Variants in ADARB1 observed in about 807,000 individuals in gnomAD.
ADARB1 encodes double-stranded RNA-specific editase 1.
Under a neutral mutation model 52.4 loss-of-function variants are expected in ADARB1, and 10 were observed. That is an observed-to-expected ratio of 0.19 (90% CI 0.12 to 0.32). ADARB1 has a LOEUF of 0.32. ADARB1 is among the 10% of genes least tolerant of loss of function. ADARB1 has a pLI of 1.00. For missense variants in ADARB1, 643 were observed against 922.3 expected, an observed-to-expected ratio of 0.70 and a Z score of 3.92; for synonymous variants, 349 against 371.1, an observed-to-expected ratio of 0.94 and a Z score of 0.68.
chr21:45,084,290 G>A (rs898811503), intron 1 of ADARB1, among the ~76,000 whole-genome samples: 1 of 152,258 alleles, frequency 6.6e-6, no homozygotes, highest in African/African-American at 2.4e-5. Flanking sequence ...TCTAATGGTA[G>A]GTGGTGCTAC....
In ADARB1 at chr21:45,180,488, C is replaced by G. The variant is rs752462567; in HGVS notation, c.1078+44C>G. On this transcript the variant is annotated intron_variant, in intron 5 of 10. Coordinates refer to ENST00000348831, the MANE Select transcript of ADARB1 (RefSeq NM_001112.4). ...TATGTAACCCTGCCTGTTTTCATGT[C>G]TGACAAATGTGAAATGTTCTCAATC... is the stretch of plus-strand genomic sequence containing the variant. The G allele has an allele frequency of 2.7e-6, 4 of 1,482,380 alleles. No homozygotes were observed. In the East Asian group the frequency reaches 9.2e-5, roughly 34 times the overall value. 91.8% of individuals were successfully genotyped at this position (1,482,380 alleles called of 1,614,324 possible).
rs914342375 is a variant in ADARB1, at chr21:45,204,896, G to A, written c.1747+160G>A. Among the ~76,000 whole-genome samples the A allele has an allele frequency of 1.3e-5, 2 of 152,062 alleles. No homozygotes were observed. The highest frequency in any genetic ancestry group is 2.4e-5 in the African/African-American group (1 of 41,360). The stretch of plus-strand genomic sequence containing the variant: ...CAAGGTGATGTTTCTGAGGCTCTCC[G>A]GGCCTTGTCTCTAGGGCCTTTTAAG... On this transcript the variant is annotated intron_variant, in intron 9 of 10. Transcript: ENST00000348831. This position sits in a 1 kb window ranked among gnomAD's most constrained non-coding sequence, Gnocchi z 4.4.
chr21:45,182,792 T>TA lies in ADARB1; in HGVS notation c.1247+45dup, dbSNP rs1179140241. 2.7e-6 allele frequency: 4 copies of TA among 1,500,404 alleles called. No individual in the cohort carries two copies. The South Asian group carries it at 3.9e-5, about 14-fold the overall frequency. 92.9% of individuals were successfully genotyped at this position (1,500,404 alleles called of 1,614,324 possible). Reference sequence around the variant, plus strand: ...ACAAATAAGGACAGGAAGCTCTTTTTAAAAAATATTCCTCTATTAGAAAAC... The same window carrying TA: ...ACAAATAAGGACAGGAAGCTCTTTTTAAAAAAATATTCCTCTATTAGAAAAC... On this transcript the variant is annotated intron_variant, in intron 6 of 10. Transcript: ENST00000348831.
At chr21:45,180,836 G>A (rs2091905030) in intron 5 of ADARB1, among the ~76,000 whole-genome samples, 1 of 152,222 alleles carries the variant, frequency 6.6e-6, no homozygotes, top group Admixed American at 6.5e-5. Flanking sequence ...TTCCTTTGAG[G>A]AGGGAGAGAG....
At chr21:45,153,228 T>A (rs1383899663) in intron 2 of ADARB1, among the ~76,000 whole-genome samples, 3 of 152,140 alleles carry the variant, frequency 2.0e-5, no homozygotes, top group African/African-American at 7.2e-5. Flanking sequence ...ATGTTTTAAG[T>A]CATTAAAATC....
At chr21:45,140,765 T>C (rs2089679156) in intron 2 of ADARB1, among the ~76,000 whole-genome samples, 1 of 152,230 alleles carries the variant, frequency 6.6e-6, no homozygotes, top group Non-Finnish European at 1.5e-5. Flanking sequence ...TTATAGCTGG[T>C]TTAATTCAGT....
chr21:45,125,821 A>G (rs1360469812), intron 1 of ADARB1, among the ~76,000 whole-genome samples: 1 of 152,222 alleles, frequency 6.6e-6, no homozygotes, highest in African/African-American at 2.4e-5. Context: ...CGTTATATGT[A>G]ATTAATACAG....
Position 45,224,911 on chromosome 21 carries a change from A to C in ADARB1, c.*2714A>C. ...CTGAGCGCTCGGTGTGCACTTTTAG[A>C]CTATAGCTGTTTCATTGACGTGTCA... On this transcript the variant is annotated 3_prime_UTR_variant, in exon 11 of 11. Coordinates refer to ENST00000348831, the MANE Select transcript of ADARB1 (RefSeq NM_001112.4). 1.0e-6 allele frequency: 1 copy of C among 985,380 alleles called. No homozygotes were observed. Among genetic ancestry groups the C allele is most frequent in the Non-Finnish European group, 1.2e-6 (1 of 829,880 alleles). 61.0% of individuals were successfully genotyped at this position (985,380 alleles called of 1,614,324 possible).
chr21:45,170,284 T>G (rs1321017401), intron 2 of ADARB1, among the ~76,000 whole-genome samples: 1 of 152,246 alleles, frequency 6.6e-6, no homozygotes, highest in Non-Finnish European at 1.5e-5. Flanking sequence ...CTAAAATAAT[T>G]TATCATAATT....
Position 45,183,355 on chromosome 21 carries a change from C to T in ADARB1, c.1248-7C>T, listed in dbSNP as rs536652455. 1.9e-6 allele frequency: 3 copies of T among 1,590,064 alleles called. No homozygotes were observed. Among genetic ancestry groups the T allele is most frequent in the Non-Finnish European group, 1.7e-6 (2 of 1,172,836 alleles). On this transcript the variant is annotated splice_region_variant and splice_polypyrimidine_tract_variant and intron_variant, in intron 6 of 10. Transcript: ENST00000348831. ...AAATGTTACTTTTGCAACTTTTTTC[C>T]TTTCAGTAACAAAGATGATCAAAAA...
chr21:45,153,532 G>A (rs1259666107), intron 2 of ADARB1, among the ~76,000 whole-genome samples: 2 of 152,078 alleles, frequency 1.3e-5, no homozygotes, highest in Non-Finnish European at 2.9e-5. Context: ...AGGGCCCTTG[G>A]GACATGCTGT....
intron 1 of ADARB1, among the ~76,000 whole-genome samples, chr21:45,097,891 C>T (rs1351661765): frequency 6.6e-6 from 1 of 152,184 alleles, no homozygotes. Flanking sequence ...TAGGCAGCCT[C>T]GCCCTGCTCC....
At chr21:45,182,095 G>A (rs2091950727) in intron 5 of ADARB1, among the ~76,000 whole-genome samples, 1 of 152,210 alleles carries the variant, frequency 6.6e-6, no homozygotes, top group Non-Finnish European at 1.5e-5. Context: ...GTGGTTAATG[G>A]TGACAGTTTA....
intron 2 of ADARB1, among the ~76,000 whole-genome samples, chr21:45,151,116 G>C (rs2090262326): frequency 6.6e-6 from 1 of 152,224 alleles, no homozygotes; most frequent in Non-Finnish European, 1.5e-5. Flanking sequence ...CTGAGTGAAA[G>C]ATGCCTCTAG....
chr21:45,167,970 C>G (rs1263037563), intron 2 of ADARB1, among the ~76,000 whole-genome samples: 1 of 151,864 alleles, frequency 6.6e-6, no homozygotes, highest in Non-Finnish European at 1.5e-5. Flanking sequence ...TGAGAGATCC[C>G]TTTTCTCCAC....
intron 9 of ADARB1, among the ~76,000 whole-genome samples, chr21:45,213,378 G>A (rs1194098674): frequency 1.3e-5 from 2 of 151,934 alleles, no homozygotes; most frequent in East Asian, 1.9e-4. Flanking sequence ...TATCTTTAGT[G>A]TCTTTTCACA....
chr21:45,222,458 G>T lies in ADARB1; in HGVS notation c.*261G>T, dbSNP rs1054493688. 1 of 1,235,324 alleles carries T rather than the reference G, an allele frequency of 8.1e-7. No homozygotes were observed. The highest frequency in any genetic ancestry group is 1.6e-5 in the African/African-American group (1 of 64,340). The allele number at this position is 1,235,324 out of a possible 1,614,324, so 76.5% of individuals were successfully genotyped here. On this transcript the variant is annotated 3_prime_UTR_variant, in exon 11 of 11. Coordinates refer to ENST00000348831, the MANE Select transcript of ADARB1 (RefSeq NM_001112.4). Reference sequence around the variant, plus strand: ...GCCGCAGCATTTCCCCTTCTGAACCGTCCAGTGACTGCTTTCAATCTCGGT... The same window carrying T: ...GCCGCAGCATTTCCCCTTCTGAACCTTCCAGTGACTGCTTTCAATCTCGGT...
intron 1 of ADARB1, among the ~76,000 whole-genome samples, chr21:45,118,308 C>G (rs1380924386): frequency 1.3e-5 from 2 of 152,130 alleles, no homozygotes; most frequent in Non-Finnish European, 2.9e-5. Flanking sequence ...GGAGCACCTC[C>G]TTAATCCACT....
rs1196862484 is a variant in ADARB1 at position 45,208,001 on chromosome 21, CT to C, written c.1747+3269del. ...AGGTTCTTGGTGCCAAGCTGTGACA[CT>C]TTTGCCTTTGTGGGTATACACACTT... is the stretch of plus-strand genomic sequence containing the variant. On this transcript the variant is annotated intron_variant, in intron 9 of 10. Coordinates refer to ENST00000348831, the MANE Select transcript of ADARB1 (RefSeq NM_001112.4). The surrounding 1 kb of genome is among the most constrained non-coding windows in gnomAD (Gnocchi z 5.6). Among the ~76,000 whole-genome samples, 2 of 152,216 alleles carry C rather than the reference CT, an allele frequency of 1.3e-5. No individual in the cohort carries two copies. The highest frequency in any genetic ancestry group is 2.9e-5 in the Non-Finnish European group (2 of 68,036).
Sources: allele counts gnomAD v4.1 joint callset (sites outside exome capture counted in the v4.1 genomes callset), GRCh38; gene constraint gnomAD v4.1.1; non-coding constraint Gnocchi (gnomAD v3.1); transcripts MANE v1.5; gene names NCBI Gene and HGNC (gene_info 2026-07-23, HGNC 2026-07-21).